UBE2D3: variants seen among roughly 807,000 people sequenced by gnomAD.
UBE2D3 encodes the protein ubiquitin conjugating enzyme E2 D3.
UBE2D3 carries 2 observed loss-of-function variants against 22.8 expected under a neutral mutation model. The observed-to-expected ratio is 0.09, with a 90% CI of 0.04 to 0.28. UBE2D3 has a LOEUF of 0.28. Ranked by LOEUF, UBE2D3 falls within the 10% of genes least tolerant of loss-of-function variation. UBE2D3 has a pLI of 1.00. For missense variants in UBE2D3, 27 were observed against 182.5 expected (o/e 0.15, Z 4.91); for synonymous variants, 56 against 60.4 (o/e 0.93, Z 0.34).
chr4:102,831,964 T>C (rs1731138979), upstream of UBE2D3, among the ~76,000 whole-genome samples: 1 of 152,212 alleles, frequency 6.6e-6, no homozygotes, highest in Non-Finnish European at 1.5e-5. Context: ...TATTAGGTGC[T>C]AGACACTGAA....
chr4:102,830,922 C>T (rs1731081425), upstream of UBE2D3, among the ~76,000 whole-genome samples: 1 of 152,036 alleles, frequency 6.6e-6, no homozygotes, highest in Non-Finnish European at 1.5e-5. Flanking sequence ...GGTGGTGTGC[C>T]AGGGTCTTAT....
chr4:102,831,891 T>G (rs934482506), upstream of UBE2D3, among the ~76,000 whole-genome samples: 5 of 152,230 alleles, frequency 3.3e-5, no homozygotes, highest in South Asian at 2.1e-4. Flanking sequence ...AATGTTAATG[T>G]AGTAGAGATC....
chr4:102,826,605 C>G lies in UBE2D3; in HGVS notation c.-97G>C, dbSNP rs1453561601. On this transcript the variant is annotated 5_prime_UTR_variant, in exon 2 of 8. Transcript: ENST00000453744. Reference sequence around the variant, plus strand: ...TCCCGGCGGCGGGGCAGGATTGTCTCGTCTCACACCAGCTCTGCCAGACAC... The same window carrying G: ...TCCCGGCGGCGGGGCAGGATTGTCTGGTCTCACACCAGCTCTGCCAGACAC... 1 of 1,597,406 alleles carries G rather than the reference C, an allele frequency of 6.3e-7. No homozygotes were observed. The highest frequency in any genetic ancestry group is 8.5e-7 in the Non-Finnish European group (1 of 1,177,104).
chr4:102,851,119 G>A (rs1732326224), intron 1 of UBE2D3, among the ~76,000 whole-genome samples: 2 of 152,204 alleles, frequency 1.3e-5, no homozygotes, highest in South Asian at 4.1e-4. Flanking sequence ...TGTAATTTGT[G>A]AGATTGTTAC....
upstream of UBE2D3, among the ~76,000 whole-genome samples, chr4:102,829,035 A>G (rs1730956051): frequency 6.6e-6 from 1 of 152,272 alleles, no homozygotes; most frequent in South Asian, 2.1e-4. Flanking sequence ...AAAACTTAAC[A>G]CGTCAACAAT....
intron 4 of UBE2D3, 188 bp from the exon 5 acceptor site, chr4:102,802,826 C>G (rs1381175280): frequency 2.5e-6 from 1 of 393,470 alleles, no homozygotes; most frequent in Non-Finnish European, 4.5e-6. Flanking sequence ...CAGTAATAAA[C>G]CCTAATTTAT....
At chr4:102,834,163 C>T (rs75244973) in intron 1 of UBE2D3, among the ~76,000 whole-genome samples, 317 of 152,324 alleles carry the variant, frequency 2.1e-3, no homozygotes, top group African/African-American at 7.1e-3. Flanking sequence ...TGCTTCCTAA[C>T]AGAAACCAGT....
chr4:102,817,184 C>T (rs990669903), intron 2 of UBE2D3, among the ~76,000 whole-genome samples: 9 of 152,136 alleles, frequency 5.9e-5, no homozygotes, highest in African/African-American at 2.2e-4. Context: ...TTTGGTATAC[C>T]AGACAGAGTA....
chr4:102,826,390 T>C, intron 2 of UBE2D3, 95 bp downstream of exon 2: 5 of 1,484,582 alleles, frequency 3.4e-6, no homozygotes. Context: ...AAGAGGTATT[T>C]TCAGAATTAT....
At chr4:102,809,204 T>C (rs1177387975) in intron 4 of UBE2D3, 1 of 313,964 alleles carries the variant, frequency 3.2e-6, no homozygotes, top group Non-Finnish European at 6.9e-6. Flanking sequence ...AAATATCACT[T>C]TCTGCCTAAA....
chr4:102,862,386 C>T (rs1732939690), intron 1 of UBE2D3, among the ~76,000 whole-genome samples: 1 of 151,818 alleles, frequency 6.6e-6, no homozygotes, highest in East Asian at 1.9e-4. Context: ...ATTATTTTAA[C>T]CCCAACCTAT....
chr4:102,838,692 C>G (rs537927658), intron 1 of UBE2D3, among the ~76,000 whole-genome samples: 1 of 150,698 alleles, frequency 6.6e-6, no homozygotes, highest in East Asian at 2.0e-4. Flanking sequence ...AAGGTAAAGT[C>G]TGACTACTGG....
chr4:102,819,247 T>C (rs1486056264), intron 2 of UBE2D3, among the ~76,000 whole-genome samples: 1 of 151,804 alleles, frequency 6.6e-6, no homozygotes, highest in Non-Finnish European at 1.5e-5. Context: ...GGAGAATTGC[T>C]TGAACCCAGG....
intron 2 of UBE2D3, 125 bp downstream of exon 2, chr4:102,826,360 C>G (rs1431801652): frequency 1.6e-5 from 20 of 1,212,782 alleles, no homozygotes; most frequent in Non-Finnish European, 2.4e-5. Context: ...TTCTCCATCC[C>G]CCCATGGAAG....
intron 1 of UBE2D3, 198 bp from the exon 2 acceptor site, chr4:102,826,834 C>G (rs988006150): frequency 7.3e-5 from 86 of 1,175,710 alleles, no homozygotes; most frequent in Non-Finnish European, 8.6e-5. Flanking sequence ...ACAAGTTTAA[C>G]TTCCCGGCCT....
intron 1 of UBE2D3, among the ~76,000 whole-genome samples, chr4:102,836,355 C>G (rs1327161000): frequency 4.6e-5 from 7 of 151,946 alleles, no homozygotes; most frequent in Admixed American, 4.6e-4. Context: ...CCATGTTGGC[C>G]AGGCTGGTCT....
At chr4:102,827,877 T>C, upstream of UBE2D3, 17 of 984,996 alleles carry the variant, frequency 1.7e-5, no homozygotes, top group Non-Finnish European at 1.9e-5. Context: ...GGGAGGAAGG[T>C]AAAGGAAGCA....
chr4:102,831,566 T>C (rs1432067545), upstream of UBE2D3, among the ~76,000 whole-genome samples: 1 of 152,188 alleles, frequency 6.6e-6, no homozygotes, highest in Non-Finnish European at 1.5e-5. Context: ...TGGAATATTA[T>C]TATTATTATA....
At chr4:102,826,777 G>A in intron 1 of UBE2D3, 141 bp from the exon 2 acceptor site, 1 of 1,277,984 alleles carries the variant, frequency 7.8e-7, no homozygotes, top group Non-Finnish European at 9.9e-7. Context: ...CCGTGCTTTC[G>A]GCCCGAAGTG....
Sources: allele counts gnomAD v4.1 joint callset (sites outside exome capture counted in the v4.1 genomes callset), GRCh38; gene constraint gnomAD v4.1.1; transcripts MANE v1.5; gene names NCBI Gene and HGNC (gene_info 2026-07-23, HGNC 2026-07-21).